Variants in HYOU1 observed in about 807,000 individuals in gnomAD.
HYOU1 encodes the protein hypoxia up-regulated protein 1.
HYOU1 carries 40 observed loss-of-function variants against 120.5 expected under a neutral mutation model. The ratio of observed to expected loss-of-function variants is 0.33; its 90% CI spans 0.26 to 0.43. The LOEUF is 0.43. HYOU1 is among the 20% of genes least tolerant of loss of function. HYOU1 has a pLI of 1.00. For missense variants in HYOU1, 1,085 were observed against 1,278.3 expected, an observed-to-expected ratio of 0.85 and a Z score of 2.31; for synonymous variants, 501 against 479.4, an observed-to-expected ratio of 1.05 and a Z score of -0.59.
At position 119,051,884 on chromosome 11, in the gene HYOU1, C is replaced by T. The variant is rs1944463272; in HGVS notation, c.1273G>A (p.Ala425Thr). 1 of 1,614,188 alleles carries T rather than the reference C, an allele frequency of 6.2e-7. No individual in the cohort carries two copies. The highest frequency in any genetic ancestry group is 8.5e-7 in the Non-Finnish European group (1 of 1,180,022). Reference sequence around the variant, plus strand: ...TTCACTTTAAAGGCTTTGCTGAGCGCAGCTGCCTGGTACACTGCCCCCATG... The same window carrying T: ...TTCACTTTAAAGGCTTTGCTGAGCGTAGCTGCCTGGTACACTGCCCCCATG... ...AAMGAVYQAAALSKAFKVKPF... is the reference protein window; with the variant it reads ...AAMGAVYQAATLSKAFKVKPF... The change falls in exon 12 of 26, where the codon GCG (alanine) becomes ACG (threonine). Residue 425 changes from alanine (A) to threonine (T), a missense_variant. Around this residue, in one of 4 missense-constraint regions of HYOU1, gnomAD observed 515 missense variants for 677.8 expected, o/e 0.76. Coordinates refer to ENST00000617285, the MANE Select transcript of HYOU1 (RefSeq NM_006389.5). The surrounding 1 kb of genome is among the most constrained non-coding windows in gnomAD (Gnocchi z 4.2).
At chr11:119,049,268 G>A (rs2133571329) in intron 16 of HYOU1, 65 bp from the exon 17 acceptor site, 37 of 1,590,414 alleles carry the variant, frequency 2.3e-5, no homozygotes, top group Admixed American at 1.0e-4. Flanking sequence ...GGCCTGGCTC[G>A]GCACCGCCGA....
chr11:119,046,750 T>G lies in HYOU1; in HGVS notation c.2648A>C (p.Lys883Thr). The G allele has an allele frequency of 6.2e-7, 1 of 1,606,220 alleles. No homozygotes were observed. The highest frequency in any genetic ancestry group is 2.2e-5 in the East Asian group (1 of 44,886). ...AEQAKLPATE[K>T]PVLLSKDIEA... ...AATGTCTTTTGAGAGCAACACAGGC[T>G]TCTCTGTGGCGGGCAGCTTAGCCTG... The change falls in exon 23 of 26, where the codon AAG becomes ACG. Residue 883 changes from lysine to threonine, a missense_variant. By Grantham distance (78) the Lys-to-Thr change is moderately conservative (BLOSUM62 -1). Around this residue, in one of 4 missense-constraint regions of HYOU1, gnomAD observed 516 missense variants for 517.1 expected, o/e 1.00. Transcript: ENST00000617285.
rs1424283389 is a variant in HYOU1, at chr11:119,045,319, A to G, written c.*274T>C. ...CCCACAGGCAAAGGATTCAGAAATT[A>G]ATAGTGATTTTTCCCAAATTTAGGG... On this transcript the variant is annotated 3_prime_UTR_variant, in exon 26 of 26. Coordinates refer to ENST00000617285, the MANE Select transcript of HYOU1 (RefSeq NM_006389.5). 9.4e-5 allele frequency: 57 copies of G among 605,706 alleles called. 2 individuals carry two copies. The Admixed American group carries it at 1.1e-3, about 11-fold the overall frequency. 37.5% of individuals were successfully genotyped at this position (605,706 alleles called of 1,614,324 possible). A position where few individuals can be genotyped will look rare whatever the true frequency, so the allele number is the denominator to read the frequency against.
chr11:119,048,425 C>G lies in HYOU1; in HGVS notation c.2253+51G>C. Reference sequence around the variant, plus strand: ...CCCACAAGCCCAGAGGCAAGGCCCACAGAGCCAGGTGTAAGCCCAGTGGGG... The same window carrying G: ...CCCACAAGCCCAGAGGCAAGGCCCAGAGAGCCAGGTGTAAGCCCAGTGGGG... On this transcript the variant is annotated intron_variant, in intron 19 of 25. Coordinates refer to ENST00000617285, the MANE Select transcript of HYOU1 (RefSeq NM_006389.5). This position sits in a 1 kb window ranked among gnomAD's most constrained non-coding sequence, Gnocchi z 4.7. 1 of 1,612,250 alleles carries G rather than the reference C, an allele frequency of 6.2e-7. No individual in the cohort carries two copies. The highest frequency in any genetic ancestry group is 8.5e-7 in the Non-Finnish European group (1 of 1,179,628).
Position 119,046,809 on chromosome 11 carries a change from G to A in HYOU1, c.2596-7C>T, listed in dbSNP as rs1304627622. 5.6e-6 allele frequency: 9 copies of A among 1,598,692 alleles called. No homozygotes were observed. Among genetic ancestry groups the A allele is most frequent in the Non-Finnish European group, 5.9e-6 (7 of 1,179,836 alleles). On this transcript the variant is annotated splice_region_variant and splice_polypyrimidine_tract_variant and intron_variant, in intron 22 of 25. Coordinates refer to ENST00000617285, the MANE Select transcript of HYOU1 (RefSeq NM_006389.5). ...GAGTTGCATTCTTCCAGGCCTGTGGGTGAGACCAGGAGAGGCTCCAAGCTA... is the reference window on the plus strand; with the variant it reads ...GAGTTGCATTCTTCCAGGCCTGTGGATGAGACCAGGAGAGGCTCCAAGCTA...
At position 119,054,199 on chromosome 11, in the gene HYOU1, A is replaced by T. The variant is rs142623500; in HGVS notation, c.716T>A (p.Val239Glu). The T allele has an allele frequency of 8.8e-5, 142 of 1,613,970 alleles. No individual in the cohort carries two copies. Among genetic ancestry groups the T allele is most frequent in the Non-Finnish European group, 1.2e-4 (136 of 1,179,942 alleles). ...MFYDMGSGSTVCTIVTYQMVK... is the reference protein window; with the variant it reads ...MFYDMGSGSTECTIVTYQMVK... ...CATCTGGTAGGTCACAATGGTGCAT[A>T]CGGTGCTGCCTGAGCCCATGTCATA... Residue 239 changes from valine to glutamate, a missense_variant, in exon 8 of 26, where the codon GTA (valine) becomes GAA (glutamate). Physicochemically the swap from Val to Glu is moderately radical, Grantham distance 121. Coordinates refer to ENST00000617285, the MANE Select transcript of HYOU1 (RefSeq NM_006389.5).
In HYOU1 at chr11:119,055,860, T is replaced by C; in HGVS notation, c.92-17A>G. The stretch of plus-strand genomic sequence containing the variant: ...CCAGTGTATCTGAAGGGAAAAGAGG[T>C]TTGTCAGTTAGCTCTCCCTTCGCCC... On this transcript the variant is annotated splice_polypyrimidine_tract_variant and intron_variant, in intron 2 of 25. Coordinates refer to ENST00000617285, the MANE Select transcript of HYOU1 (RefSeq NM_006389.5). This position sits in a 1 kb window ranked among gnomAD's most constrained non-coding sequence, Gnocchi z 4.0. 1 of 1,606,822 alleles carries C rather than the reference T, an allele frequency of 6.2e-7. No individual in the cohort carries two copies. Among genetic ancestry groups the C allele is most frequent in the South Asian group, 1.1e-5 (1 of 90,944 alleles).
intron 7 of HYOU1, 38 bp from the exon 8 acceptor site, chr11:119,054,274 T>C (rs1185793023): frequency 1.3e-6 from 2 of 1,537,992 alleles, no homozygotes; most frequent in African/African-American, 2.7e-5. Flanking sequence ...AGGAACCTTC[T>C]CAAACTCCAG....
In HYOU1 at chr11:119,056,523, A is replaced by T. The variant is rs556406119; in HGVS notation, c.-7-356T>A. 6 of 383,490 alleles carry T rather than the reference A, an allele frequency of 1.6e-5. No homozygotes were observed. In the East Asian group the frequency reaches 4.1e-4, roughly 26 times the overall value. The allele number at this position is 383,490 out of a possible 1,614,324, so 23.8% of individuals were successfully genotyped here. A position where few individuals can be genotyped will look rare whatever the true frequency, so the allele number is the denominator to read the frequency against. ...GTTGTCAGACACCTGGGGTGCGGCC[A>T]GGGATCCCCGCCCAGGGCTCAACCA... On this transcript the variant is annotated intron_variant, in intron 1 of 25. Transcript: ENST00000617285.
At position 119,049,219 on chromosome 11, in the gene HYOU1, G is replaced by A. The variant is rs1944263988; in HGVS notation, c.1807-16C>T. 1.3e-6 allele frequency: 2 copies of A among 1,588,288 alleles called. No homozygotes were observed. Among genetic ancestry groups the A allele is most frequent in the African/African-American group, 2.7e-5 (2 of 74,068 alleles). ...CCTCTTCCTCCTGGGAAACACCACA[G>A]GCGCCCCAGGGAACGATCAGGAGCA... is the stretch of plus-strand genomic sequence containing the variant. On this transcript the variant is annotated splice_polypyrimidine_tract_variant and intron_variant, in intron 16 of 25. Coordinates refer to ENST00000617285, the MANE Select transcript of HYOU1 (RefSeq NM_006389.5).
Position 119,046,331 on chromosome 11 carries a change from G to C in HYOU1, c.2887+86C>G, listed in dbSNP as rs970142578. Reference sequence around the variant, plus strand: ...CAAAGGCCATTCAAGCTCATGGGCTGTCTAGAAACAGGCTGTGCCTGCCAG... The same window carrying C: ...CAAAGGCCATTCAAGCTCATGGGCTCTCTAGAAACAGGCTGTGCCTGCCAG... On this transcript the variant is annotated intron_variant, in intron 24 of 25. Transcript: ENST00000617285. 6.7e-6 allele frequency: 8 copies of C among 1,197,740 alleles called. No homozygotes were observed. The African/African-American group carries it at 1.2e-4, about 18-fold the overall frequency. The allele number at this position is 1,197,740 out of a possible 1,614,324, so 74.2% of individuals were successfully genotyped here.
In HYOU1 at chr11:119,056,045, T is replaced by C. The variant is rs781852251; in HGVS notation, c.91+25A>G. On this transcript the variant is annotated intron_variant, in intron 2 of 25. Transcript: ENST00000617285. Reference sequence around the variant, plus strand: ...CATCCTTCAGTCATCATTTATCCATTTGCTCCCTCTACTGGGGTACATACC... The same window carrying C: ...CATCCTTCAGTCATCATTTATCCATCTGCTCCCTCTACTGGGGTACATACC... The C allele has an allele frequency of 3.1e-6, 5 of 1,595,334 alleles. No individual in the cohort carries two copies. In the Admixed American group the frequency reaches 6.7e-5, roughly 21 times the overall value.
rs781963412 is a variant in HYOU1, at chr11:119,055,710, C to T, written c.185+40G>A. The T allele has an allele frequency of 3.2e-6, 5 of 1,565,048 alleles. No individual in the cohort carries two copies. The highest frequency in any genetic ancestry group is 4.4e-6 in the Non-Finnish European group (5 of 1,135,244). ...AACACATTCACACTTGGAGCCCAGA[C>T]TCCCTCGTTCCCCACCCTTAACACG... On this transcript the variant is annotated intron_variant, in intron 3 of 25. Coordinates refer to ENST00000617285, the MANE Select transcript of HYOU1 (RefSeq NM_006389.5). This position sits in a 1 kb window ranked among gnomAD's most constrained non-coding sequence, Gnocchi z 4.0.
intron 22 of HYOU1, 56 bp downstream of exon 22, chr11:119,047,678 C>T (rs1944163489): frequency 7.0e-7 from 1 of 1,437,592 alleles, no homozygotes; most frequent in Non-Finnish European, 9.8e-7. Context: ...TCCACCTCTC[C>T]CACAGTACCT....
chr11:119,048,420 G>A lies in HYOU1; in HGVS notation c.2254-50C>T, dbSNP rs2133563869. On this transcript the variant is annotated intron_variant, in intron 19 of 25. Transcript: ENST00000617285. The surrounding 1 kb of genome is among the most constrained non-coding windows in gnomAD (Gnocchi z 4.7). ...ATGCACCCACAAGCCCAGAGGCAAG[G>A]CCCACAGAGCCAGGTGTAAGCCCAG... 0.46 allele frequency: 733,504 copies of A among 1,611,272 alleles called. 172,525 individuals carry two copies. The highest frequency in any genetic ancestry group is 0.77 in the East Asian group (34,713 of 44,850).
At chr11:119,056,379 G>A (rs1377949497) in intron 1 of HYOU1, 2 of 653,440 alleles carry the variant, frequency 3.1e-6, no homozygotes, top group Admixed American at 2.1e-5. Flanking sequence ...AAGTGAAAGA[G>A]CATGGGTCCT....
chr11:119,045,618 C>A lies in HYOU1; in HGVS notation c.2975G>T (p.Arg992Leu), dbSNP rs782459894. ...EQKEQSTGQKRPLKNDEL is the reference protein window; with the variant it reads ...EQKEQSTGQKLPLKNDEL ...TTATAGTTCGTCGTTCTTCAAAGGCCGCTTCTGTCCTGTCGATTGTTCTTT... is the reference window on the plus strand; with the variant it reads ...TTATAGTTCGTCGTTCTTCAAAGGCAGCTTCTGTCCTGTCGATTGTTCTTT... The change falls in exon 26 of 26, where the codon CGG becomes CTG. Residue 992 changes from arginine (R) to leucine (L), a missense_variant. By Grantham distance (102) the Arg-to-Leu change is moderately radical (BLOSUM62 -2). Coordinates refer to ENST00000617285, the MANE Select transcript of HYOU1 (RefSeq NM_006389.5). 1 of 1,614,194 alleles carries A rather than the reference C, an allele frequency of 6.2e-7. No individual in the cohort carries two copies. The highest frequency in any genetic ancestry group is 8.5e-7 in the Non-Finnish European group (1 of 1,180,036).
rs1592140763 is a variant in HYOU1 at position 119,049,583 on chromosome 11, G to A, written c.1779C>T (p.Ala593=). The A allele has an allele frequency of 6.2e-7, 1 of 1,614,096 alleles. No homozygotes were observed. The change falls in exon 16 of 26, where the codon GCC becomes GCT. Residue 593 remains alanine (A), a synonymous_variant. Coordinates refer to ENST00000617285, the MANE Select transcript of HYOU1 (RefSeq NM_006389.5). ...GGACAGTATCAGTACCATTCTCCTTGGCATCTGGTGTGGTACCGCCTCCAA... is the reference window on the plus strand; with the variant it reads ...GGACAGTATCAGTACCATTCTCCTTAGCATCTGGTGTGGTACCGCCTCCAA... ...SLFGGGTTPD[A]KENGTDTVQE... is the part of the protein sequence containing the mutation.
At position 119,048,436 on chromosome 11, in the gene HYOU1, G is replaced by A. The variant is rs2133564085; in HGVS notation, c.2253+40C>T. The A allele has an allele frequency of 1.4e-5, 23 of 1,612,766 alleles. No homozygotes were observed. The highest frequency in any genetic ancestry group is 1.3e-4 in the Admixed American group (8 of 59,986). On this transcript the variant is annotated intron_variant, in intron 19 of 25. Transcript: ENST00000617285. This position sits in a 1 kb window ranked among gnomAD's most constrained non-coding sequence, Gnocchi z 4.7. ...AGAGGCAAGGCCCACAGAGCCAGGT[G>A]TAAGCCCAGTGGGGGGGCTGCTGCC...
Sources: gnomAD v4.1 joint callset for allele counts on GRCh38, gnomAD v4.1.1 for gene constraint, gnomAD v4.1.1 regional missense constraint, Gnocchi (gnomAD v3.1) non-coding constraint, MANE v1.5 for transcripts, NCBI Gene and HGNC (gene_info 2026-07-23, HGNC 2026-07-21) for gene names.